CLASP2: variants seen among roughly 807,000 people sequenced by gnomAD.
The protein encoded by CLASP2 is cytoplasmic linker associated protein 2, also known as CLIP-associating protein 2.
CLASP2 carries 47 observed loss-of-function variants against 194.4 expected under a neutral mutation model. That is an observed-to-expected ratio of 0.24 (90% confidence interval 0.19 to 0.31). CLASP2 has a LOEUF of 0.31. Among genes scored for constraint, CLASP2 ranks in the 10% least tolerant of loss-of-function variants. The pLI is 1.00. For synonymous variants in CLASP2, 619 were observed against 633.5 expected (o/e 0.98, Z 0.34); for missense variants, 1,445 against 1,823.6 (o/e 0.79, Z 3.78).
Position 33,517,172 on chromosome 3 carries a change from G to T in CLASP2, c.3790C>A (p.Leu1264Ile). The part of the protein sequence containing the change: ...DDDADQFPDD[L>I]SLDHSDLVAE... ...ACTAGGTCAGAATGATCTAGGGAAA[G>T]ATCTGTCAAAAGGACATGGTATTAG... Residue 1264 changes from leucine to isoleucine, a missense_variant and splice_region_variant, in exon 35 of 39, where the codon CTT becomes ATT. By Grantham distance (5) the Leu-to-Ile change is conservative. Around this residue, in one of 4 missense-constraint regions of CLASP2, gnomAD observed 732 missense variants for 987.9 expected, o/e 0.74. Coordinates refer to ENST00000682230, the MANE Select transcript of CLASP2 (RefSeq NM_001365631.1). 1 of 1,609,102 alleles carries T rather than the reference G, an allele frequency of 6.2e-7. No homozygotes were observed. Among genetic ancestry groups the T allele is most frequent in the South Asian group, 1.1e-5 (1 of 89,816 alleles).
intron 7 of CLASP2, among the ~76,000 whole-genome samples, chr3:33,658,725 C>G (rs2084746805): frequency 6.6e-6 from 1 of 152,170 alleles, no homozygotes; most frequent in South Asian, 2.1e-4. Flanking sequence ...AAGACTGAAG[C>G]TTGCTTGGGT....
chr3:33,533,998 A>C (rs927505599), intron 34 of CLASP2, among the ~76,000 whole-genome samples: 2 of 152,200 alleles, frequency 1.3e-5, no homozygotes, highest in Non-Finnish European at 2.9e-5. Context: ...TACAGGAGTG[A>C]GCCACTGCGC....
At position 33,497,686 on chromosome 3, in the gene CLASP2, C is replaced by T. The variant is rs938321248; in HGVS notation, c.*945G>A. The stretch of plus-strand genomic sequence containing the variant: ...CCATTTAAAGAAAAGGTGCTGGTCA[C>T]TCCCATGTCTCGATAATTTGTTTAT... On this transcript the variant is annotated 3_prime_UTR_variant, in exon 39 of 39. Transcript: ENST00000682230. 1 of 152,586 alleles carries T rather than the reference C, an allele frequency of 6.6e-6. No individual in the cohort carries two copies. Among genetic ancestry groups the T allele is most frequent in the Non-Finnish European group, 1.5e-5 (1 of 68,026 alleles). The allele number at this position is 152,586 out of a possible 1,614,324, so 9.5% of individuals were successfully genotyped here.
At chr3:33,577,309 C>T (rs770035767) in intron 23 of CLASP2, 6 of 1,490,720 alleles carry the variant, frequency 4.0e-6, no homozygotes, top group South Asian at 3.4e-5. Context: ...ACCACAGAAA[C>T]AAGGAATAGT....
intron 18 of CLASP2, among the ~76,000 whole-genome samples, chr3:33,599,657 C>T (rs115637347): frequency 0.012 from 1,806 of 152,236 alleles, 41 homozygotes; most frequent in African/African-American, 0.041. Flanking sequence ...TAACAGAACA[C>T]TCCCTCTAAT....
In CLASP2 at chr3:33,688,380, A is replaced by C. The variant is rs2090956983; in HGVS notation, c.379-12T>G. The C allele has an allele frequency of 1.3e-6, 2 of 1,545,780 alleles. No homozygotes were observed. Among genetic ancestry groups the C allele is most frequent in the Non-Finnish European group, 1.7e-6 (2 of 1,145,350 alleles). The stretch of plus-strand genomic sequence containing the variant: ...TGCTCCCAAATGTACTATTTGAAAG[A>C]AAAGTAAAAACGTATAACAAAAAAC... On this transcript the variant is annotated splice_polypyrimidine_tract_variant and intron_variant, in intron 3 of 38. Coordinates refer to ENST00000682230, the MANE Select transcript of CLASP2 (RefSeq NM_001365631.1).
At chr3:33,647,363 C>G (rs2082443077) in intron 7 of CLASP2, among the ~76,000 whole-genome samples, 1 of 152,104 alleles carries the variant, frequency 6.6e-6, no homozygotes, top group Admixed American at 6.6e-5. Flanking sequence ...GTTAAAAATG[C>G]AAATTCCTGG....
chr3:33,678,301 G>C (rs775647534), intron 6 of CLASP2, among the ~76,000 whole-genome samples: 1 of 151,742 alleles, frequency 6.6e-6, no homozygotes, highest in South Asian at 2.1e-4. Context: ...AATGACAAAA[G>C]AACTACACTT....
intron 37 of CLASP2, chr3:33,504,828 G>C (rs893705620): frequency 2.0e-5 from 3 of 152,586 alleles, no homozygotes; most frequent in African/African-American, 7.2e-5. Flanking sequence ...CTGCTGATCT[G>C]ACAGGAGGCG....
chr3:33,516,892 C>T (rs536065071), intron 35 of CLASP2, 89 bp downstream of exon 35: 169 of 1,116,276 alleles, frequency 1.5e-4, no homozygotes, highest in Middle Eastern at 3.0e-4. Context: ...TTCATTCTCC[C>T]AATTGCTAAA....
chr3:33,500,076 G>A (rs1300549145), intron 38 of CLASP2, among the ~76,000 whole-genome samples: 1 of 151,740 alleles, frequency 6.6e-6, no homozygotes, highest in African/African-American at 2.4e-5. Flanking sequence ...TCTGTTGCCT[G>A]GGCTGGAATG....
chr3:33,659,008 C>G (rs2084810872), intron 7 of CLASP2: 2 of 1,535,944 alleles, frequency 1.3e-6, no homozygotes, highest in Non-Finnish European at 1.7e-6. Flanking sequence ...CCAGGGAGCT[C>G]TCTGAAACCA....
intron 16 of CLASP2, among the ~76,000 whole-genome samples, chr3:33,605,388 T>A (rs1224934973): frequency 6.6e-6 from 1 of 152,226 alleles, no homozygotes; most frequent in African/African-American, 2.4e-5. Flanking sequence ...AAAGTTTAGA[T>A]AGGTCATTAT....
intron 6 of CLASP2, among the ~76,000 whole-genome samples, chr3:33,673,571 G>C (rs1477371312): frequency 2.6e-5 from 4 of 151,870 alleles, no homozygotes; most frequent in Non-Finnish European, 4.4e-5. Flanking sequence ...CATAATGACA[G>C]GATCAAATTC....
chr3:33,566,983 TAAGAA>T (rs1425376013), intron 26 of CLASP2, among the ~76,000 whole-genome samples: 2 of 152,152 alleles, frequency 1.3e-5, no homozygotes, highest in Non-Finnish European at 2.9e-5. Flanking sequence ...CCAGGAAAAT[TAAGAA>T]AACTAAAGAC....
At chr3:33,633,195 A>T (rs941154053) in intron 8 of CLASP2, among the ~76,000 whole-genome samples, 6 of 152,188 alleles carry the variant, frequency 3.9e-5, no homozygotes, top group Non-Finnish European at 8.8e-5. Context: ...GCCATCACAC[A>T]GCACCAACTA....
chr3:33,508,573 C>T (rs925841200), intron 37 of CLASP2, among the ~76,000 whole-genome samples: 1 of 152,206 alleles, frequency 6.6e-6, no homozygotes, highest in African/African-American at 2.4e-5. Flanking sequence ...AAGTGACCTG[C>T]CCTCCTTGGC....
chr3:33,602,512 T>G (rs569330465), intron 18 of CLASP2: 2 of 758,038 alleles, frequency 2.6e-6, no homozygotes, highest in African/African-American at 3.4e-5. Flanking sequence ...TGAATAGAGT[T>G]TTGGAATATA....
chr3:33,608,339 C>T (rs2074344515), intron 14 of CLASP2, among the ~76,000 whole-genome samples: 1 of 152,074 alleles, frequency 6.6e-6, no homozygotes, highest in African/African-American at 2.4e-5. Flanking sequence ...CTTATATAAC[C>T]CATTCTATTT....
Sources: allele counts gnomAD v4.1 joint callset (sites outside exome capture counted in the v4.1 genomes callset), GRCh38; gene constraint gnomAD v4.1.1; regional missense constraint gnomAD v4.1.1; transcripts MANE v1.5; gene names NCBI Gene and HGNC (gene_info 2026-07-23, HGNC 2026-07-21).